B3GNT2: variants seen among roughly 807,000 people sequenced by gnomAD.
B3GNT2 encodes the protein UDP-GlcNAc:betaGal beta-1,3-N-acetylglucosaminyltransferase 2, also known as N-acetyllactosaminide beta-1,3-N-acetylglucosaminyltransferase 2.
B3GNT2 carries 12 observed loss-of-function variants against 27.6 expected under a neutral mutation model. That is an observed-to-expected ratio of 0.44 (90% CI 0.28 to 0.71). The LOEUF is 0.71. B3GNT2 is among the 30% of genes least tolerant of loss of function. The pLI, the probability that B3GNT2 is intolerant of heterozygous loss-of-function variation, is 0.17. For synonymous variants in B3GNT2, 192 were observed against 189.7 expected (o/e 1.01, Z -0.10); for missense variants, 413 against 488.5 (o/e 0.85, Z 1.46).
chr2:62,208,243 A>G (rs369374492), intron 1 of B3GNT2, among the ~76,000 whole-genome samples: 50 of 113,132 alleles, frequency 4.4e-4, no homozygotes, highest in South Asian at 2.4e-3. Flanking sequence ...TTCCCCCCCA[A>G]TCTCTACACC....
At chr2:62,220,157 G>C (rs1441181459) in intron 1 of B3GNT2, among the ~76,000 whole-genome samples, 1 of 152,222 alleles carries the variant, frequency 6.6e-6, no homozygotes, top group Non-Finnish European at 1.5e-5. Context: ...ACAAGGAAGG[G>C]ATCAGTTTTA....
chr2:62,223,617 T>G lies in B3GNT2; in HGVS notation c.*203T>G. 1.8e-6 allele frequency: 1 copy of G among 548,970 alleles called. No homozygotes were observed. Among genetic ancestry groups the G allele is most frequent in the Non-Finnish European group, 3.3e-6 (1 of 303,558 alleles). The allele number at this position is 548,970 out of a possible 1,614,324, so 34.0% of individuals were successfully genotyped here. On this transcript the variant is annotated 3_prime_UTR_variant, in exon 2 of 2. Coordinates refer to ENST00000301998, the MANE Select transcript of B3GNT2 (RefSeq NM_006577.6). Reference sequence around the variant, plus strand: ...TGGTAATTTTTTTTTATGGATGATATGGCAGGATGATTGGTTCTGATCTTA... The same window carrying G: ...TGGTAATTTTTTTTTATGGATGATAGGGCAGGATGATTGGTTCTGATCTTA...
chr2:62,197,771 GC>G (rs1674182411), intron 1 of B3GNT2, among the ~76,000 whole-genome samples: 1 of 152,250 alleles, frequency 6.6e-6, no homozygotes, highest in Non-Finnish European at 1.5e-5. Context: ...CAGTCCCGGG[GC>G]TCCGGTGCCG....
rs1674131921 is a variant in B3GNT2 at position 62,196,139 on chromosome 2, G to GCGGCAGCAGCGGCAA, written c.-224_-210dup. ...GAGCCTGGAGTGAGGCGCAGCGGCA[G>GCGGCAGCAGCGGCAA]CGGCAGCAGCGGCAACAAGTGCCGG... On this transcript the variant is annotated 5_prime_UTR_variant, in exon 1 of 2. Coordinates refer to ENST00000301998, the MANE Select transcript of B3GNT2 (RefSeq NM_006577.6). 2.0e-5 allele frequency: 3 copies of GCGGCAGCAGCGGCAA among 151,816 alleles called. No individual in the cohort carries two copies. Among genetic ancestry groups the GCGGCAGCAGCGGCAA allele is most frequent in the South Asian group, 2.0e-4 (1 of 4,926 alleles). The allele number at this position is 151,816 out of a possible 1,614,324, so 9.4% of individuals were successfully genotyped here.
intron 1 of B3GNT2, among the ~76,000 whole-genome samples, chr2:62,202,362 T>A (rs1447352867): frequency 6.6e-6 from 1 of 152,186 alleles, no homozygotes; most frequent in Non-Finnish European, 1.5e-5. Context: ...CAAGGGATTG[T>A]AGGCTGAGAA....
At chr2:62,197,380 G>A (rs1674174303) in intron 1 of B3GNT2, among the ~76,000 whole-genome samples, 1 of 152,216 alleles carries the variant, frequency 6.6e-6, no homozygotes, top group East Asian at 1.9e-4. Flanking sequence ...CCCCACAAGT[G>A]TCACAGCGTC....
chr2:62,208,774 C>T (rs1343199744), intron 1 of B3GNT2, among the ~76,000 whole-genome samples: 1 of 152,134 alleles, frequency 6.6e-6, no homozygotes, highest in Admixed American at 6.5e-5. Context: ...CCTTCTTGTT[C>T]TCATATTGAT....
Position 62,222,172 on chromosome 2 carries a change from T to C in B3GNT2, c.-9-40T>C. 6.7e-7 allele frequency: 1 copy of C among 1,499,922 alleles called. No homozygotes were observed. The highest frequency in any genetic ancestry group is 9.0e-7 in the Non-Finnish European group (1 of 1,115,358). The allele number at this position is 1,499,922 out of a possible 1,614,324, so 92.9% of individuals were successfully genotyped here. A position where few individuals can be genotyped will look rare whatever the true frequency, so the allele number is the denominator to read the frequency against. On this transcript the variant is annotated intron_variant, in intron 1 of 1. Transcript: ENST00000301998. This position sits in a 1 kb window ranked among gnomAD's most constrained non-coding sequence, Gnocchi z 4.2. ...ATAAATTGTATGTGCAAATGCAAAT[T>C]GATAAGTAATTGATACAATACTCCA...
intron 1 of B3GNT2, among the ~76,000 whole-genome samples, chr2:62,211,847 T>C (rs1266698161): frequency 6.6e-6 from 1 of 152,230 alleles, no homozygotes; most frequent in African/African-American, 2.4e-5. Context: ...AAATTTGCCC[T>C]GTTGGAAGCC....
intron 1 of B3GNT2, among the ~76,000 whole-genome samples, chr2:62,216,402 C>T (rs1476880909): frequency 7.4e-6 from 1 of 134,874 alleles, no homozygotes; most frequent in African/African-American, 3.4e-5. Flanking sequence ...TCTGATTTTT[C>T]TTTTTTTTTG....
intron 1 of B3GNT2, among the ~76,000 whole-genome samples, chr2:62,216,778 G>C (rs1174343574): frequency 6.6e-6 from 1 of 151,642 alleles, no homozygotes; most frequent in African/African-American, 2.4e-5. Context: ...TTGCATGGGA[G>C]AAAAAAAAAT....
chr2:62,214,139 A>G (rs1674529042), intron 1 of B3GNT2, among the ~76,000 whole-genome samples: 1 of 152,240 alleles, frequency 6.6e-6, no homozygotes, highest in Non-Finnish European at 1.5e-5. Context: ...GGAATGGAGA[A>G]GAAAGGAGTT....
chr2:62,213,145 T>C (rs1487671273), intron 1 of B3GNT2, among the ~76,000 whole-genome samples: 2 of 152,160 alleles, frequency 1.3e-5, no homozygotes, highest in Admixed American at 6.5e-5. Context: ...ACCTCGTCTC[T>C]ACAAAAAAAT....
At chr2:62,216,873 T>C (rs1674585558) in intron 1 of B3GNT2, among the ~76,000 whole-genome samples, 1 of 152,228 alleles carries the variant, frequency 6.6e-6, no homozygotes, top group Non-Finnish European at 1.5e-5. Flanking sequence ...TCACTGTCTG[T>C]TTTCACAGCT....
Position 62,223,356 on chromosome 2 carries a change from A to G in B3GNT2, c.1136A>G (p.Lys379Arg), listed in dbSNP as rs1364663798. The change falls in exon 2 of 2, where the codon AAA (lysine) becomes AGA (arginine). Residue 379 changes from lysine (K) to arginine (R), a missense_variant. Physicochemically the swap from Lys to Arg is conservative, Grantham distance 26 (BLOSUM62 2). Coordinates refer to ENST00000301998, the MANE Select transcript of B3GNT2 (RefSeq NM_006577.6). ...YVDLMLVHSR[K>R]PQEMIDIWSQ... is the part of the protein sequence containing the mutation. ...GATCTGATGTTAGTACATAGTAGAAAACCTCAAGAGATGATTGATATTTGG... is the reference window on the plus strand; with the variant it reads ...GATCTGATGTTAGTACATAGTAGAAGACCTCAAGAGATGATTGATATTTGG... 1 of 1,613,898 alleles carries G rather than the reference A, an allele frequency of 6.2e-7. No homozygotes were observed. The highest frequency in any genetic ancestry group is 2.2e-5 in the East Asian group (1 of 44,906).
chr2:62,209,163 C>T (rs1333105350), intron 1 of B3GNT2, among the ~76,000 whole-genome samples: 1 of 152,092 alleles, frequency 6.6e-6, no homozygotes, highest in East Asian at 1.9e-4. Context: ...GGGCCATTGG[C>T]TCTTCTGTTT....
intron 1 of B3GNT2, among the ~76,000 whole-genome samples, chr2:62,216,479 C>T (rs1278217911): frequency 2.6e-5 from 4 of 151,838 alleles, no homozygotes; most frequent in African/African-American, 9.7e-5. Flanking sequence ...AATCTCAGCT[C>T]ACTGCTGCCT....
chr2:62,205,856 CAT>C (rs1674361252), intron 1 of B3GNT2: 2 of 154,200 alleles, frequency 1.3e-5, no homozygotes, highest in Admixed American at 6.5e-5. Flanking sequence ...CACCTGGAAC[CAT>C]TTCTCCTGGG....
At chr2:62,207,516 C>A (rs1049650401) in intron 1 of B3GNT2, among the ~76,000 whole-genome samples, 1 of 152,046 alleles carries the variant, frequency 6.6e-6, no homozygotes, top group Admixed American at 6.6e-5. Flanking sequence ...ATCCGTGGTC[C>A]CCAGCCTTTT....
Sources: allele counts gnomAD v4.1 joint callset (sites outside exome capture counted in the v4.1 genomes callset), GRCh38; gene constraint gnomAD v4.1.1; non-coding constraint Gnocchi (gnomAD v3.1); transcripts MANE v1.5; gene names NCBI Gene and HGNC (gene_info 2026-07-23, HGNC 2026-07-21).